RIMS2: variants seen among roughly 807,000 people sequenced by gnomAD.
RIMS2 encodes regulating synaptic membrane exocytosis protein 2.
Under a neutral mutation model 174.4 loss-of-function variants are expected in RIMS2, and 59 were observed. The observed-to-expected ratio is 0.34, with a 90% CI of 0.27 to 0.42. The LOEUF (loss-of-function observed/expected upper bound fraction) is 0.42. Ranked by LOEUF, RIMS2 falls within the 10% of genes least tolerant of loss-of-function variation. The pLI, the probability that RIMS2 is intolerant of heterozygous loss-of-function variation, is 1.00. For missense variants in RIMS2, 1,620 were observed against 1,666.3 expected (o/e 0.97, Z 0.48); for synonymous variants, 606 against 572.5 (o/e 1.06, Z -0.84).
chr8:103,893,664 C>G (rs1480557614), intron 4 of RIMS2, among the ~76,000 whole-genome samples: 1 of 151,998 alleles, frequency 6.6e-6, no homozygotes, highest in Non-Finnish European at 1.5e-5. Context: ...ATATGAAAAT[C>G]ACATGAAATT....
At chr8:103,788,316 A>G (rs1156395811) in intron 3 of RIMS2, among the ~76,000 whole-genome samples, 1 of 149,326 alleles carries the variant, frequency 6.7e-6, no homozygotes, top group Admixed American at 6.7e-5. Flanking sequence ...GCTGGTGAGG[A>G]ACTGCATTTC....
rs145679670 is a variant in RIMS2, at chr8:103,959,699, C to T, written c.2702-1366C>T. On this transcript the variant is annotated intron_variant, in intron 14 of 23. Coordinates refer to ENST00000504942, the Ensembl canonical transcript of RIMS2. ...TCAGCTTCCCAGAGTGCTAGGATTA[C>T]AGGCGTGAGCCACCGTGTATCTCTA... is the stretch of plus-strand genomic sequence containing the variant. Among the ~76,000 whole-genome samples the T allele has an allele frequency of 1.6e-4, 25 of 152,190 alleles. No homozygotes were observed. The East Asian group carries it at 4.6e-3, about 28-fold the overall frequency.
chr8:103,508,457 TAA>T (rs3042459), intron 1 of RIMS2, among the ~76,000 whole-genome samples: 30,760 of 141,138 alleles, frequency 0.22, 3,296 homozygotes, highest in Middle Eastern at 0.28. Context: ...TTTCATTTGT[TAA>T]AAAAAAAAAA....
chr8:104,076,509 C>T (rs962657946), intron 19 of RIMS2, among the ~76,000 whole-genome samples: 1 of 152,054 alleles, frequency 6.6e-6, no homozygotes, highest in Admixed American at 6.6e-5. Flanking sequence ...ACAATTGGTA[C>T]ACAATATTAT....
Position 103,869,856 on chromosome 8 carries a change from G to C in RIMS2, c.699-15442G>C, listed in dbSNP as rs533656421. On this transcript the variant is annotated intron_variant, in intron 3 of 23. Transcript: ENST00000504942. ...TTTAATCTTGGAGATGGGATAAACA[G>C]AACAGTGGTAGAGTTGTTACTGGAG... Among the ~76,000 whole-genome samples the C allele has an allele frequency of 7.0e-4, 107 of 152,296 alleles. 1 individual carries two copies. The highest frequency in any genetic ancestry group is 1.1e-3 in the Non-Finnish European group (76 of 68,026).
chr8:103,607,490 C>G (rs1049331888), intron 1 of RIMS2, among the ~76,000 whole-genome samples: 1 of 151,222 alleles, frequency 6.6e-6, no homozygotes, highest in African/African-American at 2.4e-5. Flanking sequence ...TGGAGTTGCT[C>G]TTCTTGAGGA....
chr8:104,018,157 A>G (rs2095979554), intron 19 of RIMS2, among the ~76,000 whole-genome samples: 1 of 152,234 alleles, frequency 6.6e-6, no homozygotes, highest in African/African-American at 2.4e-5. Flanking sequence ...AGAGTAACAG[A>G]TATACCTATT....
At chr8:103,769,868 C>T (rs2098230303) in intron 3 of RIMS2, among the ~76,000 whole-genome samples, 2 of 152,248 alleles carry the variant, frequency 1.3e-5, no homozygotes, top group South Asian at 2.1e-4. Context: ...CCAAACCTTA[C>T]AAATGCCCAA....
chr8:103,525,160 T>C (rs954088456), intron 1 of RIMS2, among the ~76,000 whole-genome samples: 2 of 152,230 alleles, frequency 1.3e-5, no homozygotes, highest in African/African-American at 4.8e-5. Flanking sequence ...GCAAATTTTC[T>C]GAATAACATC....
At chr8:103,559,056 CT>C (rs397952535) in intron 1 of RIMS2, 72 of 98,990 alleles carry the variant, frequency 7.3e-4, no homozygotes, top group Non-Finnish European at 7.8e-4. Context: ...TATTTTTTAA[CT>C]TTTTTTTTTT....
chr8:103,553,856 A>G (rs1289327703), intron 1 of RIMS2, among the ~76,000 whole-genome samples: 1 of 68,654 alleles, frequency 1.5e-5, no homozygotes, highest in Non-Finnish European at 3.3e-5. Context: ...AAACAGACAG[A>G]TAGACCAATG....
At chr8:103,600,147 A>G (rs750791557) in intron 1 of RIMS2, among the ~76,000 whole-genome samples, 3 of 152,160 alleles carry the variant, frequency 2.0e-5, no homozygotes, top group East Asian at 3.9e-4. Context: ...AGAACATACA[A>G]TGTTTGTCTT....
chr8:103,686,001 A>T (rs1590307586), intron 1 of RIMS2, among the ~76,000 whole-genome samples: 1 of 152,234 alleles, frequency 6.6e-6, no homozygotes, highest in South Asian at 2.1e-4. Flanking sequence ...TGATACTTTT[A>T]TCAGTGTTTT....
chr8:103,886,045 T>C (rs2154519973), exon 4 of RIMS2: 1 of 1,613,012 alleles, frequency 6.2e-7, no homozygotes, highest in Non-Finnish European at 8.5e-7. Flanking sequence ...GGAATGATTC[T>C]CTCAGTTCAG....
intron 19 of RIMS2, among the ~76,000 whole-genome samples, chr8:104,150,203 C>A (rs1203799310): frequency 6.6e-6 from 1 of 151,986 alleles, no homozygotes; most frequent in African/African-American, 2.4e-5. Context: ...AAAATAAAGT[C>A]TACTAATTTT....
intron 1 of RIMS2, among the ~76,000 whole-genome samples, chr8:103,646,887 G>A (rs1424894203): frequency 1.3e-5 from 2 of 152,142 alleles, no homozygotes; most frequent in Non-Finnish European, 2.9e-5. Flanking sequence ...AGGAGTGGTA[G>A]GAGAAAGCAT....
At chr8:103,613,263 G>T (rs2095428691) in intron 1 of RIMS2, among the ~76,000 whole-genome samples, 1 of 152,134 alleles carries the variant, frequency 6.6e-6, no homozygotes, top group Admixed American at 6.5e-5. Flanking sequence ...ACAATATAAA[G>T]TCCTTTTCAC....
chr8:104,162,112 A>C (rs1415610200), intron 19 of RIMS2, among the ~76,000 whole-genome samples: 1 of 152,198 alleles, frequency 6.6e-6, no homozygotes, highest in Non-Finnish European at 1.5e-5. Context: ...TTGCTATGTA[A>C]TGTGGCATAT....
chr8:103,956,746 C>G (rs1396946502), intron 14 of RIMS2, among the ~76,000 whole-genome samples: 1 of 152,114 alleles, frequency 6.6e-6, no homozygotes, highest in Non-Finnish European at 1.5e-5. Flanking sequence ...CCAAAATAGA[C>G]AAATAGGATC....
Sources: allele counts gnomAD v4.1 joint callset (sites outside exome capture counted in the v4.1 genomes callset), GRCh38; gene constraint gnomAD v4.1.1; transcripts MANE v1.5; gene names NCBI Gene and HGNC (gene_info 2026-07-23, HGNC 2026-07-21).